The following BUB1B variants were observed in gnomAD, a reference collection of about 807,000 sequenced individuals.
BUB1B encodes BUB1 mitotic checkpoint serine/threonine kinase B, also known as mitotic checkpoint serine/threonine-protein kinase BUB1 beta.
In BUB1B, 86 loss-of-function variants were observed where a neutral mutation model predicts 137.7. That is an observed-to-expected ratio of 0.62 (90% CI 0.52 to 0.75). The LOEUF (loss-of-function observed/expected upper bound fraction) is 0.75, where lower values mean the gene tolerates loss of function less well. Among genes scored for constraint, BUB1B ranks in the 30% least tolerant of loss-of-function variants. The probability of loss-of-function intolerance (pLI) is 0.00; values close to 1 mark genes in which losing one functional copy is unlikely to be tolerated. For missense variants in BUB1B, 1,130 were observed against 1,236.9 expected (o/e 0.91, Z 1.30); for synonymous variants, 420 against 417.9 (o/e 1.00, Z -0.06).
intron 8 of BUB1B, among the ~76,000 whole-genome samples, chr15:40,195,753 A>T (rs781291151): frequency 1.2e-4 from 18 of 152,126 alleles, no homozygotes; most frequent in Non-Finnish European, 2.6e-4. Context: ...ACATTTTTTC[A>T]TATGCTCGTT....
At chr15:40,196,510 G>C (rs767494438) in intron 8 of BUB1B, 35 bp from the exon 9 acceptor site, 1 of 1,513,510 alleles carries the variant, frequency 6.6e-7, no homozygotes, top group Non-Finnish European at 9.1e-7. Flanking sequence ...TTTTTATTTT[G>C]ACCCATATGA....
intron 14 of BUB1B, among the ~76,000 whole-genome samples, chr15:40,203,558 T>C (rs1050993622): frequency 3.9e-5 from 6 of 152,246 alleles, no homozygotes; most frequent in Non-Finnish European, 1.5e-5. Flanking sequence ...TCTCAATTTT[T>C]ATAAGTAGGG....
At chr15:40,187,421 C>T (rs1187896618) in intron 8 of BUB1B, among the ~76,000 whole-genome samples, 3 of 151,946 alleles carry the variant, frequency 2.0e-5, no homozygotes, top group Admixed American at 6.6e-5. Context: ...CCACCGCACC[C>T]GGTCAACAAT....
chr15:40,217,453 A>G, intron 20 of BUB1B, 43 bp from the exon 21 acceptor site: 1 of 1,597,848 alleles, frequency 6.3e-7, no homozygotes, highest in East Asian at 2.2e-5. Context: ...AGCTTCTTTC[A>G]TGGCCTATTT....
intron 12 of BUB1B, among the ~76,000 whole-genome samples, chr15:40,201,806 A>G (rs1316512411): frequency 6.6e-6 from 1 of 152,032 alleles, no homozygotes. Context: ...AGCTGGGACT[A>G]CAGGCGCCCA....
intron 16 of BUB1B, 126 bp from the exon 17 acceptor site, chr15:40,209,509 G>A (rs1359697129): frequency 2.8e-6 from 3 of 1,076,042 alleles, no homozygotes; most frequent in African/African-American, 1.6e-5. Context: ...ACAGGTGAGT[G>A]TAGTTAAATT....
At position 40,218,506 on chromosome 15, in the gene BUB1B, A is replaced by G. The variant is rs762290287; in HGVS notation, c.2901A>G (p.Glu967=). The G allele has an allele frequency of 3.1e-6, 5 of 1,614,032 alleles. No individual in the cohort carries two copies. The Admixed American group carries it at 5.0e-5, about 16-fold the overall frequency. ...ADLAHLLLFK[E]HLQVFWDGSF... is the part of the protein sequence containing the mutation. ...TAGCACATTTACTATTGTTCAAGGA[A>G]CACCTACAGGTCTTCTGGGATGGGT... The change falls in exon 22 of 23, where the codon GAA becomes GAG. Residue 967 remains glutamate (E), a synonymous_variant. Coordinates refer to ENST00000287598, the MANE Select transcript of BUB1B (RefSeq NM_001211.6).
At chr15:40,167,084 G>A (rs905707389) in intron 2 of BUB1B, among the ~76,000 whole-genome samples, 7 of 151,656 alleles carry the variant, frequency 4.6e-5, no homozygotes, top group African/African-American at 1.5e-4. Flanking sequence ...CTCCTCAGTA[G>A]GGGTTCTTTA....
chr15:40,182,629 C>T (rs1404912485), intron 5 of BUB1B, among the ~76,000 whole-genome samples: 1 of 152,148 alleles, frequency 6.6e-6, no homozygotes, highest in Non-Finnish European at 1.5e-5. Context: ...TGAATCTACC[C>T]TGTGCATGCA....
chr15:40,202,515 G>A (rs1566825539), intron 13 of BUB1B, 50 bp downstream of exon 13: 1 of 1,592,924 alleles, frequency 6.3e-7, no homozygotes, highest in Non-Finnish European at 8.6e-7. Context: ...AGAATTTTCT[G>A]TTATTATAAG....
intron 14 of BUB1B, among the ~76,000 whole-genome samples, chr15:40,205,375 G>A (rs2037625083): frequency 6.6e-6 from 1 of 152,114 alleles, no homozygotes; most frequent in Non-Finnish European, 1.5e-5. Context: ...GTATCCATAT[G>A]GGTTAAATCA....
At chr15:40,201,353 G>A (rs183897099) in intron 12 of BUB1B, among the ~76,000 whole-genome samples, 2 of 152,122 alleles carry the variant, frequency 1.3e-5, no homozygotes, top group Non-Finnish European at 2.9e-5. Context: ...TGTTAAAAGT[G>A]GTGAAACATG....
At chr15:40,216,243 G>A (rs1482915283) in intron 20 of BUB1B, among the ~76,000 whole-genome samples, 3 of 152,074 alleles carry the variant, frequency 2.0e-5, no homozygotes, top group Non-Finnish European at 4.4e-5. Flanking sequence ...TTCAAGACCA[G>A]TCTGGGCAAT....
rs781172823 is a variant in BUB1B, at chr15:40,217,568, C to T, written c.2751C>T (p.Asp917=). The T allele has an allele frequency of 6.2e-7, 1 of 1,614,048 alleles. No individual in the cohort carries two copies. Among genetic ancestry groups the T allele is most frequent in the South Asian group, 1.1e-5 (1 of 91,080 alleles). Reference sequence around the variant, plus strand: ...TAGTGGACTTTTCCTACAGTGTTGACCTTAGGGTGCAGCTGGATGTTTTTA... The same window carrying T: ...TAGTGGACTTTTCCTACAGTGTTGATCTTAGGGTGCAGCTGGATGTTTTTA... ...LKIVDFSYSV[D]LRVQLDVFTL... The change falls in exon 21 of 23, where the codon GAC becomes GAT. Residue 917 remains aspartate, a synonymous_variant. Coordinates refer to ENST00000287598, the MANE Select transcript of BUB1B (RefSeq NM_001211.6).
chr15:40,197,833 G>A (rs746813291), intron 9 of BUB1B, among the ~76,000 whole-genome samples: 1 of 152,242 alleles, frequency 6.6e-6, no homozygotes, highest in African/African-American at 2.4e-5. Context: ...AGGTAGAAGA[G>A]AGGGATGGTT....
chr15:40,219,535 T>G (rs1323463376), intron 22 of BUB1B, among the ~76,000 whole-genome samples: 1 of 152,090 alleles, frequency 6.6e-6, no homozygotes, highest in Admixed American at 6.5e-5. Context: ...CTGGGCAACA[T>G]GGCGAAACCT....
At position 40,196,788 on chromosome 15, in the gene BUB1B, A is replaced by G; in HGVS notation, c.1288+14A>G. The G allele has an allele frequency of 6.2e-7, 1 of 1,611,296 alleles. No homozygotes were observed. Among genetic ancestry groups the G allele is most frequent in the East Asian group, 2.2e-5 (1 of 44,858 alleles). ...AGCAAAGGGAAGGTGTGTGTAATTC[A>G]AGTTTGTGAAGAGGACTTAACTTAG... is the stretch of plus-strand genomic sequence containing the variant. On this transcript the variant is annotated intron_variant, in intron 9 of 22. Coordinates refer to ENST00000287598, the MANE Select transcript of BUB1B (RefSeq NM_001211.6).
At chr15:40,166,317 A>G (rs1463772150) in intron 2 of BUB1B, 2 of 429,810 alleles carry the variant, frequency 4.7e-6, no homozygotes, top group African/African-American at 2.1e-5. Context: ...GGCTTTTTGT[A>G]GACATAATTT....
rs148605827 is a variant in BUB1B at position 40,207,674 on chromosome 15, G to C, written c.2010-963G>C. On this transcript the variant is annotated intron_variant, in intron 15 of 22. Coordinates refer to ENST00000287598, the MANE Select transcript of BUB1B (RefSeq NM_001211.6). ...AGCATAAATCCAGAAATGTATGCTG[G>C]ACATGGCTTATTCACCAGGTTTAGA... Among the ~76,000 whole-genome samples, 152 of 152,160 alleles carry C rather than the reference G, an allele frequency of 1.0e-3. 1 individual carries two copies. The highest frequency in any genetic ancestry group is 2.9e-5 in the Non-Finnish European group (2 of 68,002).
Sources: allele counts gnomAD v4.1 joint callset (sites outside exome capture counted in the v4.1 genomes callset), GRCh38; gene constraint gnomAD v4.1.1; transcripts MANE v1.5; gene names NCBI Gene and HGNC (gene_info 2026-07-23, HGNC 2026-07-21).